Variants in SRPK2 observed in about 807,000 individuals in gnomAD.
The protein encoded by SRPK2 is SRSF protein kinase 2.
A neutral mutation model predicts 90.8 loss-of-function variants in SRPK2; 21 were observed. That is an observed-to-expected ratio of 0.23 (90% CI 0.16 to 0.33). The LOEUF (loss-of-function observed/expected upper bound fraction) is 0.33. SRPK2 is among the 10% of genes least tolerant of loss of function. SRPK2 has a pLI of 1.00. For missense variants in SRPK2, 620 were observed against 869.0 expected, an observed-to-expected ratio of 0.71 and a Z score of 3.60; for synonymous variants, 288 against 311.1, an observed-to-expected ratio of 0.93 and a Z score of 0.78.
intron 11 of SRPK2, among the ~76,000 whole-genome samples, chr7:105,139,485 A>C (rs1803381053): frequency 6.6e-6 from 1 of 152,218 alleles, no homozygotes; most frequent in Non-Finnish European, 1.5e-5. Flanking sequence ...TAGGAAATAC[A>C]GTATGTGTAG....
At chr7:105,377,773 C>T (rs1193890286) in intron 2 of SRPK2, among the ~76,000 whole-genome samples, 1 of 152,086 alleles carries the variant, frequency 6.6e-6, no homozygotes, top group Non-Finnish European at 1.5e-5. Context: ...TTCTGCATTC[C>T]CTATTGCAAA....
intron 2 of SRPK2, among the ~76,000 whole-genome samples, chr7:105,235,623 A>C (rs1392328892): frequency 1.3e-5 from 2 of 152,218 alleles, no homozygotes; most frequent in African/African-American, 4.8e-5. Flanking sequence ...TCTATATCAC[A>C]ATCACTTATT....
chr7:105,356,915 A>G (rs1034411571), intron 2 of SRPK2, among the ~76,000 whole-genome samples: 19 of 152,292 alleles, frequency 1.2e-4, no homozygotes, highest in African/African-American at 3.8e-4. Flanking sequence ...CTGCTACCCT[A>G]ACAACACTAT....
intron 2 of SRPK2, among the ~76,000 whole-genome samples, chr7:105,307,758 GTTTAAC>G (rs1159612631): frequency 3.9e-5 from 6 of 152,084 alleles, no homozygotes; most frequent in East Asian, 1.9e-4. Context: ...AATTTCCTAA[GTTTAAC>G]TTTAAGTATA....
intron 2 of SRPK2, among the ~76,000 whole-genome samples, chr7:105,295,581 T>C (rs1809708463): frequency 6.6e-6 from 1 of 152,156 alleles, no homozygotes; most frequent in South Asian, 2.1e-4. Context: ...CAAATTTCAT[T>C]GACAAAAGGT....
intron 2 of SRPK2, among the ~76,000 whole-genome samples, chr7:105,301,049 T>C (rs928880383): frequency 9.8e-5 from 15 of 152,296 alleles, no homozygotes; most frequent in African/African-American, 3.4e-4. Context: ...ATCATGCCAC[T>C]ATAAAGACAC....
At chr7:105,337,865 T>C (rs760343948) in intron 2 of SRPK2, among the ~76,000 whole-genome samples, 3 of 151,980 alleles carry the variant, frequency 2.0e-5, no homozygotes, top group Admixed American at 6.6e-5. Flanking sequence ...GTGATGTATA[T>C]AGAAATATGT....
rs143529155 is a variant in SRPK2, at chr7:105,170,107, A to G, written c.230-842T>C. On this transcript the variant is annotated intron_variant, in intron 3 of 15. Transcript: ENST00000393651. Reference sequence around the variant, plus strand: ...TGGGATTATAGGCATGAGCCACCACACCTGGCCAAGGTTCTGTATTTCAAT... The same window carrying G: ...TGGGATTATAGGCATGAGCCACCACGCCTGGCCAAGGTTCTGTATTTCAAT... Among the ~76,000 whole-genome samples, 469 of 152,144 alleles carry G rather than the reference A, an allele frequency of 3.1e-3. 14 individuals are homozygous for G. The East Asian group carries it at 0.062, about 20-fold the overall frequency.
downstream of SRPK2, among the ~76,000 whole-genome samples, chr7:105,114,854 C>CAT (rs911643006): frequency 6.6e-6 from 1 of 152,110 alleles, no homozygotes; most frequent in African/African-American, 2.4e-5. Flanking sequence ...TTTAGAAGAA[C>CAT]ATATAGGCCA....
At chr7:105,200,174 A>G (rs914494425) in intron 3 of SRPK2, among the ~76,000 whole-genome samples, 20 of 152,086 alleles carry the variant, frequency 1.3e-4, no homozygotes, top group African/African-American at 4.8e-4. Context: ...TGGTGGCATG[A>G]GCCTGTAGTC....
chr7:105,151,786 G>A (rs1023298817), intron 7 of SRPK2, among the ~76,000 whole-genome samples: 3 of 152,146 alleles, frequency 2.0e-5, no homozygotes, highest in Non-Finnish European at 4.4e-5. Flanking sequence ...CACTTTGGGA[G>A]GTCAAGGCAG....
At chr7:105,206,052 GA>G in intron 2 of SRPK2, 1 of 516,840 alleles carries the variant, frequency 1.9e-6, no homozygotes, top group Middle Eastern at 3.2e-4. Context: ...TCTTGGACTG[GA>G]TAATTCATTG....
intron 2 of SRPK2, among the ~76,000 whole-genome samples, chr7:105,362,279 AC>A (rs1463843469): frequency 1.3e-5 from 2 of 152,166 alleles, no homozygotes; most frequent in Non-Finnish European, 2.9e-5. Flanking sequence ...ACAATGAGAT[AC>A]CATCTCACAC....
At chr7:105,302,459 T>G (rs1250736615) in intron 2 of SRPK2, among the ~76,000 whole-genome samples, 1 of 152,348 alleles carries the variant, frequency 6.6e-6, no homozygotes, top group East Asian at 1.9e-4. Flanking sequence ...TGGAGCCAAG[T>G]ACTCAGTGAA....
intron 2 of SRPK2, among the ~76,000 whole-genome samples, chr7:105,257,345 T>C (rs1803469866): frequency 6.6e-6 from 1 of 152,242 alleles, no homozygotes; most frequent in African/African-American, 2.4e-5. Context: ...GCTGCTCACA[T>C]TTGTTCAGAA....
intron 10 of SRPK2, 78 bp from the exon 11 acceptor site, chr7:105,142,568 A>G: frequency 6.6e-7 from 1 of 1,503,958 alleles, no homozygotes; most frequent in Non-Finnish European, 8.8e-7. Flanking sequence ...ATCTCCATCA[A>G]TAAAATACAT....
At chr7:105,327,205 T>A (rs1813698014) in intron 2 of SRPK2, among the ~76,000 whole-genome samples, 2 of 148,354 alleles carry the variant, frequency 1.3e-5, no homozygotes, top group Admixed American at 6.8e-5. Context: ...AAATGGCCTT[T>A]ACATTTTTGT....
intron 11 of SRPK2, 73 bp from the exon 12 acceptor site, chr7:105,133,177 A>G (rs1483179493): frequency 2.2e-6 from 3 of 1,370,652 alleles, no homozygotes; most frequent in Admixed American, 3.4e-5. Context: ...AGTGTTTGCC[A>G]GGGTCAGTCT....
chr7:105,169,349 G>T, intron 3 of SRPK2, 84 bp from the exon 4 acceptor site: 1 of 1,036,728 alleles, frequency 9.6e-7, no homozygotes, highest in Non-Finnish European at 1.4e-6. Context: ...CATTCTTGAT[G>T]TCATTAAAGA....
Sources: gnomAD v4.1 joint callset for allele counts (sites outside exome capture counted in the v4.1 genomes callset) on GRCh38, gnomAD v4.1.1 for gene constraint, MANE v1.5 for transcripts, NCBI Gene and HGNC (gene_info 2026-07-23, HGNC 2026-07-21) for gene names.